Variants in MYT1 observed in about 807,000 individuals in gnomAD.
The protein encoded by MYT1 is myelin transcription factor 1, also known as myelin transcription factor I.
MYT1 carries 23 observed loss-of-function variants against 123.0 expected under a neutral mutation model. That is an observed-to-expected ratio of 0.19 (90% CI 0.13 to 0.26). The LOEUF (loss-of-function observed/expected upper bound fraction) is 0.26. MYT1 is among the 10% of genes least tolerant of loss of function. The pLI, the probability that MYT1 is intolerant of heterozygous loss-of-function variation, is 1.00. For synonymous variants in MYT1, 518 were observed against 575.3 expected (o/e 0.90, Z 1.43); for missense variants, 1,125 against 1,472.5 (o/e 0.76, Z 3.86).
chr20:64,240,051 G>A, intron 22 of MYT1, 148 bp downstream of exon 22: 1 of 1,292,928 alleles, frequency 7.7e-7, no homozygotes, highest in Non-Finnish European at 1.1e-6. Context: ...CACCCCGAAT[G>A]GCCCGGGCTG....
intron 17 of MYT1, 28 bp from the exon 18 acceptor site, chr20:64,227,860 G>T: frequency 6.2e-7 from 1 of 1,607,032 alleles, no homozygotes; most frequent in Non-Finnish European, 8.5e-7. Context: ...CAGCACTAAG[G>T]TGGCCTTTTT....
rs1048346208 is a variant in MYT1, at chr20:64,190,531, G to A, written c.-1+371G>A. On this transcript the variant is annotated intron_variant, in intron 2 of 22. Coordinates refer to ENST00000328439, the MANE Select transcript of MYT1 (RefSeq NM_004535.3). The surrounding 1 kb of genome is among the most constrained non-coding windows in gnomAD (Gnocchi z 4.1). Reference sequence around the variant, plus strand: ...TTTACTAAAAACACAAAAATTAGCCGGGCATGGTGGCATGCGCCTGTAATC... The same window carrying A: ...TTTACTAAAAACACAAAAATTAGCCAGGCATGGTGGCATGCGCCTGTAATC... 4.0e-5 allele frequency among the ~76,000 whole-genome samples: 6 copies of A among 148,608 alleles called. No individual in the cohort carries two copies. The highest frequency in any genetic ancestry group is 4.0e-4 in the East Asian group (2 of 5,050).
chr20:64,216,823 G>A (rs1343698356), intron 10 of MYT1, among the ~76,000 whole-genome samples: 2 of 152,174 alleles, frequency 1.3e-5, no homozygotes, highest in Non-Finnish European at 2.9e-5. Context: ...GATTATTTGA[G>A]GGTCCTATTG....
rs1026357277 is a variant in MYT1 at position 64,185,425 on chromosome 20, C to T, written c.-98-4638C>T. 2.0e-5 allele frequency among the ~76,000 whole-genome samples: 3 copies of T among 152,110 alleles called. No homozygotes were observed. Among genetic ancestry groups the T allele is most frequent in the African/African-American group, 7.2e-5 (3 of 41,414 alleles). On this transcript the variant is annotated intron_variant, in intron 1 of 22. Transcript: ENST00000328439. The surrounding 1 kb of genome is among the most constrained non-coding windows in gnomAD (Gnocchi z 4.5). ...GGCAGGTGGTAACAGCTCCTGGCCC[C>T]AAAGGCAGCCCTAGTTACCAGAGAT...
At chr20:64,205,393 T>C (rs6010735) in intron 5 of MYT1, among the ~76,000 whole-genome samples, 160 bp from the exon 6 acceptor site, 78,773 of 152,098 alleles carry the variant, frequency 0.52, 21,405 homozygotes, top group African/African-American at 0.64. Flanking sequence ...TCTGACCCCC[T>C]AGTGCTGCAC....
At chr20:64,226,430 A>T (rs1984171197) in intron 16 of MYT1, among the ~76,000 whole-genome samples, 1 of 152,236 alleles carries the variant, frequency 6.6e-6, no homozygotes, top group Non-Finnish European at 1.5e-5. Context: ...AAGGGCCAGC[A>T]GCATGGAAAG....
At chr20:64,223,221 T>C (rs1984063200) in intron 15 of MYT1, 48 bp downstream of exon 15, 1 of 1,613,302 alleles carries the variant, frequency 6.2e-7, no homozygotes, top group African/African-American at 1.3e-5. Flanking sequence ...TCGTGGTGGG[T>C]CTTCCTCCTC....
At chr20:64,234,045 G>T (rs1293943699) in intron 19 of MYT1, among the ~76,000 whole-genome samples, 1 of 152,236 alleles carries the variant, frequency 6.6e-6, no homozygotes, top group Non-Finnish European at 1.5e-5. Context: ...AGCCGGGAAG[G>T]CCACTAAAGG....
At chr20:64,215,618 C>G in intron 10 of MYT1, among the ~76,000 whole-genome samples, 1 of 151,970 alleles carries the variant, frequency 6.6e-6, no homozygotes, top group East Asian at 1.9e-4. Flanking sequence ...GAGTGTCACT[C>G]TGTTGCTCAG....
chr20:64,173,504 AT>A (rs879613454), intron 1 of MYT1, among the ~76,000 whole-genome samples: 3,437 of 132,570 alleles, frequency 0.026, 105 homozygotes, highest in Middle Eastern at 0.058. Context: ...AGTTGTGTCC[AT>A]TTCCCCTCCC....
Position 64,241,624 on chromosome 20 carries a change from T to G in MYT1, c.*1176T>G, listed in dbSNP as rs1032659682. 2 of 152,542 alleles carry G rather than the reference T, an allele frequency of 1.3e-5. No individual in the cohort carries two copies. Among genetic ancestry groups the G allele is most frequent in the African/African-American group, 4.8e-5 (2 of 41,456 alleles). 9.4% of individuals were successfully genotyped at this position (152,542 alleles called of 1,614,324 possible). A position where few individuals can be genotyped will look rare whatever the true frequency, so the allele number is the denominator to read the frequency against. ...GTTAACGTTTGCTATTTATTTAACA[T>G]TTTTATTTATTAATTTTATACTATT... On this transcript the variant is annotated 3_prime_UTR_variant, in exon 23 of 23. Transcript: ENST00000328439. The surrounding 1 kb of genome is among the most constrained non-coding windows in gnomAD (Gnocchi z 4.2).
chr20:64,176,656 G>A (rs1982464806), intron 1 of MYT1, among the ~76,000 whole-genome samples: 1 of 152,258 alleles, frequency 6.6e-6, no homozygotes, highest in African/African-American at 2.4e-5. Context: ...AGGAAAAGCT[G>A]TGTGTGTCTG....
chr20:64,236,380 A>ATGGCCGTGGTGGGTGACCCTGGGC (rs1984544777), intron 19 of MYT1, among the ~76,000 whole-genome samples, 175 bp from the exon 20 acceptor site: 2 of 80,192 alleles, frequency 2.5e-5, no homozygotes, highest in African/African-American at 5.4e-5. Context: ...TGACCCTGGG[A>ATGGCCGTGGTGGGTGACCCTGGGC]TGGCCGTGGT....
intron 2 of MYT1, among the ~76,000 whole-genome samples, chr20:64,194,001 T>G (rs907695835): frequency 6.6e-6 from 1 of 152,150 alleles, no homozygotes; most frequent in Admixed American, 6.5e-5. Context: ...TTCCCACATA[T>G]GGCCTCTCTG....
chr20:64,227,151 G>T (rs1984189467), intron 16 of MYT1, among the ~76,000 whole-genome samples: 1 of 152,228 alleles, frequency 6.6e-6, no homozygotes, highest in South Asian at 2.1e-4. Flanking sequence ...GCAGCAGTTG[G>T]CTGCTCTCCT....
intron 1 of MYT1, among the ~76,000 whole-genome samples, chr20:64,172,507 C>T (rs539443166): frequency 1.4e-4 from 21 of 152,294 alleles, no homozygotes; most frequent in African/African-American, 3.1e-4. Context: ...GTCTTCAAGG[C>T]CTCAGTAAAA....
intron 1 of MYT1, among the ~76,000 whole-genome samples, chr20:64,187,368 G>A (rs1220303216): frequency 4.0e-5 from 6 of 150,512 alleles, no homozygotes; most frequent in Non-Finnish European, 7.4e-5. Context: ...CGGCATCCAC[G>A]TTTCCGTGGA....
intron 2 of MYT1, among the ~76,000 whole-genome samples, chr20:64,195,962 G>A (rs1027019270): frequency 1.3e-5 from 2 of 152,158 alleles, no homozygotes; most frequent in Admixed American, 1.3e-4. Flanking sequence ...ATTAATTAGA[G>A]CCTCAAGACA....
intron 1 of MYT1, among the ~76,000 whole-genome samples, chr20:64,176,720 G>A (rs1184958483): frequency 6.6e-6 from 1 of 152,206 alleles, no homozygotes. Flanking sequence ...CGGGCACCCG[G>A]CCTGGGTGTG....
Sources: gnomAD v4.1 joint callset for allele counts (sites outside exome capture counted in the v4.1 genomes callset) on GRCh38, gnomAD v4.1.1 for gene constraint, Gnocchi (gnomAD v3.1) non-coding constraint, MANE v1.5 for transcripts, NCBI Gene and HGNC (gene_info 2026-07-23, HGNC 2026-07-21) for gene names.